The following EPB41L4B variants were observed in gnomAD, a reference collection of about 807,000 sequenced individuals.
EPB41L4B encodes band 4.1-like protein 4B.
EPB41L4B carries 30 observed loss-of-function variants against 112.5 expected under a neutral mutation model. The observed-to-expected ratio is 0.27, with a 90% CI of 0.20 to 0.36. The LOEUF is 0.36. EPB41L4B is among the 10% of genes least tolerant of loss of function. The probability of loss-of-function intolerance (pLI) is 1.00; values close to 1 mark genes in which losing one functional copy is unlikely to be tolerated. For missense variants in EPB41L4B, 1,024 were observed against 1,133.3 expected, an observed-to-expected ratio of 0.90 and a Z score of 1.38; for synonymous variants, 408 against 439.7, an observed-to-expected ratio of 0.93 and a Z score of 0.90.
intron 3 of EPB41L4B, among the ~76,000 whole-genome samples, chr9:109,267,766 C>T (rs1835461637): frequency 6.6e-6 from 1 of 152,182 alleles, no homozygotes; most frequent in Non-Finnish European, 1.5e-5. Context: ...TAGCTAGTAA[C>T]CTCATTCCAG....
chr9:109,243,184 G>C (rs1588164554), intron 15 of EPB41L4B, among the ~76,000 whole-genome samples: 1 of 76,882 alleles, frequency 1.3e-5, no homozygotes, highest in Admixed American at 2.0e-4. Context: ...GCCACAAAAA[G>C]CAAACTCATT....
chr9:109,201,295 A>G (rs1344328441), intron 19 of EPB41L4B, among the ~76,000 whole-genome samples: 1 of 151,990 alleles, frequency 6.6e-6, no homozygotes, highest in African/African-American at 2.4e-5. Flanking sequence ...ACAAAAAAAT[A>G]CAAAATTAGC....
chr9:109,199,285 T>TC (rs1832744667), intron 20 of EPB41L4B, among the ~76,000 whole-genome samples: 1 of 152,146 alleles, frequency 6.6e-6, no homozygotes, highest in African/African-American at 2.4e-5. Context: ...GTTGCAATGA[T>TC]CCCCGTCCTA....
intron 1 of EPB41L4B, among the ~76,000 whole-genome samples, chr9:109,285,815 C>CA (rs1373055293): frequency 6.6e-6 from 1 of 152,184 alleles, no homozygotes; most frequent in African/African-American, 2.4e-5. Flanking sequence ...TGAGATGACA[C>CA]AAACTGTCAT....
At chr9:109,310,127 A>G (rs562423891) in intron 1 of EPB41L4B, among the ~76,000 whole-genome samples, 1 of 152,300 alleles carries the variant, frequency 6.6e-6, no homozygotes, top group Admixed American at 6.5e-5. Flanking sequence ...ATGTCCACAC[A>G]GGATCAATTC....
chr9:109,297,312 T>C (rs960482011), intron 1 of EPB41L4B, among the ~76,000 whole-genome samples: 8 of 152,054 alleles, frequency 5.3e-5, no homozygotes, highest in Non-Finnish European at 1.5e-5. Flanking sequence ...TTGCTTGCTG[T>C]TGTTTAAGGC....
intron 23 of EPB41L4B, among the ~76,000 whole-genome samples, chr9:109,183,237 G>A (rs541254687): frequency 1.3e-5 from 2 of 152,302 alleles, no homozygotes; most frequent in Non-Finnish European, 2.9e-5. Context: ...CCTGGGACAC[G>A]GTCTCTTACA....
chr9:109,284,823 A>T (rs1002959202), intron 1 of EPB41L4B, among the ~76,000 whole-genome samples: 8 of 152,228 alleles, frequency 5.3e-5, no homozygotes, highest in Non-Finnish European at 1.2e-4. Context: ...CCCTTTGGAT[A>T]TTTTTTTCCC....
In EPB41L4B at chr9:109,259,496, T is replaced by C. The variant is rs74431549; in HGVS notation, c.632-1199A>G. ...TCCCATCAACTAACACTTCACTCAA[T>C]TTGCAATCTCTGCAGCCAGGCCTCA... On this transcript the variant is annotated intron_variant, in intron 6 of 25. Coordinates refer to ENST00000374566, the MANE Select transcript of EPB41L4B (RefSeq NM_019114.5). 3.7e-3 allele frequency among the ~76,000 whole-genome samples: 569 copies of C among 152,248 alleles called. 3 individuals carry two copies. Among genetic ancestry groups the C allele is most frequent in the Non-Finnish European group, 6.3e-3 (426 of 68,026 alleles).
rs1379986186 is a variant in EPB41L4B, at chr9:109,174,393, T to C, written c.*161A>G. 1 of 653,556 alleles carries C rather than the reference T, an allele frequency of 1.5e-6. No homozygotes were observed. The highest frequency in any genetic ancestry group is 2.8e-6 in the Non-Finnish European group (1 of 360,238). 40.5% of individuals were successfully genotyped at this position (653,556 alleles called of 1,614,324 possible). On this transcript the variant is annotated 3_prime_UTR_variant, in exon 26 of 26. Coordinates refer to ENST00000374566, the MANE Select transcript of EPB41L4B (RefSeq NM_019114.5). Reference sequence around the variant, plus strand: ...ATGCTTAGGAGACATAAAATAACTTTTCCCATAAAAGTCAAGCCAGAAATT... The same window carrying C: ...ATGCTTAGGAGACATAAAATAACTTCTCCCATAAAAGTCAAGCCAGAAATT...
chr9:109,279,974 A>G lies in EPB41L4B; in HGVS notation c.307-53T>C, dbSNP rs188100253. On this transcript the variant is annotated intron_variant, in intron 1 of 25. Coordinates refer to ENST00000374566, the MANE Select transcript of EPB41L4B (RefSeq NM_019114.5). Reference sequence around the variant, plus strand: ...ACTTAGGGTGAGACAGCTAGATAAGAAAAAAAAGGTTAAAAAAAACCTACT... The same window carrying G: ...ACTTAGGGTGAGACAGCTAGATAAGGAAAAAAAGGTTAAAAAAAACCTACT... The G allele has an allele frequency of 3.9e-4, 527 of 1,366,556 alleles. 2 individuals carry two copies. The highest frequency in any genetic ancestry group is 7.3e-5 in the African/African-American group (5 of 68,532). 84.7% of individuals were successfully genotyped at this position (1,366,556 alleles called of 1,614,324 possible).
At chr9:109,316,727 G>A (rs1414961226) in intron 1 of EPB41L4B, among the ~76,000 whole-genome samples, 2 of 152,232 alleles carry the variant, frequency 1.3e-5, no homozygotes, top group African/African-American at 2.4e-5. Context: ...GCATGTTATA[G>A]ATTTTTTTAA....
intron 2 of EPB41L4B, among the ~76,000 whole-genome samples, chr9:109,271,652 G>A (rs1002345043): frequency 6.6e-6 from 1 of 152,248 alleles, no homozygotes; most frequent in East Asian, 1.9e-4. Context: ...CAGCAGCGGC[G>A]GGACCTGTCT....
In EPB41L4B at chr9:109,230,553, G is replaced by A. The variant is rs148867079; in HGVS notation, c.1409+13065C>T. On this transcript the variant is annotated intron_variant, in intron 15 of 25. Coordinates refer to ENST00000374566, the MANE Select transcript of EPB41L4B (RefSeq NM_019114.5). ...GAGAAAGTACAATTTACTCATTCTGGTTTCCCAGATAGCTGTCGCTTATTT... is the reference window on the plus strand; with the variant it reads ...GAGAAAGTACAATTTACTCATTCTGATTTCCCAGATAGCTGTCGCTTATTT... 1.3e-3 allele frequency among the ~76,000 whole-genome samples: 195 copies of A among 152,278 alleles called. 1 individual carries two copies. Among genetic ancestry groups the A allele is most frequent in the African/African-American group, 4.4e-3 (182 of 41,552 alleles).
chr9:109,316,573 T>A (rs1164468886), intron 1 of EPB41L4B, among the ~76,000 whole-genome samples: 4 of 152,146 alleles, frequency 2.6e-5, no homozygotes, highest in African/African-American at 9.7e-5. Flanking sequence ...TGGGCAGGGC[T>A]GAGCTAGGCT....
chr9:109,235,646 C>G (rs1226501106), intron 15 of EPB41L4B, among the ~76,000 whole-genome samples: 1 of 151,794 alleles, frequency 6.6e-6, no homozygotes, highest in Non-Finnish European at 1.5e-5. Context: ...GATCCACCTG[C>G]CTTGGCCTCC....
At chr9:109,270,702 T>C (rs1429091353) in intron 2 of EPB41L4B, among the ~76,000 whole-genome samples, 1 of 152,220 alleles carries the variant, frequency 6.6e-6, no homozygotes, top group Non-Finnish European at 1.5e-5. Flanking sequence ...TTCTTTCCTT[T>C]CTTTAGTCTT....
chr9:109,246,529 G>A (rs549914712), intron 14 of EPB41L4B, among the ~76,000 whole-genome samples: 2 of 152,324 alleles, frequency 1.3e-5, no homozygotes, highest in South Asian at 2.1e-4. Context: ...AGACAAACAC[G>A]GGCAAAGAAT....
intron 6 of EPB41L4B, among the ~76,000 whole-genome samples, chr9:109,260,285 G>C (rs1238725415): frequency 6.6e-6 from 1 of 151,904 alleles, no homozygotes; most frequent in African/African-American, 2.4e-5. Flanking sequence ...GCCCAAGCTG[G>C]TCTCAAACTC....
Sources: gnomAD v4.1 joint callset for allele counts (sites outside exome capture counted in the v4.1 genomes callset) on GRCh38, gnomAD v4.1.1 for gene constraint, MANE v1.5 for transcripts, NCBI Gene and HGNC (gene_info 2026-07-23, HGNC 2026-07-21) for gene names.